DHX32: variants seen among roughly 807,000 people sequenced by gnomAD.
The protein encoded by DHX32 is putative pre-mRNA-splicing factor ATP-dependent RNA helicase DHX32.
A neutral mutation model predicts 70.0 loss-of-function variants in DHX32; 51 were observed. That is an observed-to-expected ratio of 0.73 (90% CI 0.58 to 0.92). The LOEUF (loss-of-function observed/expected upper bound fraction) is 0.92. Ranked by LOEUF, DHX32 falls within the 40% of genes least tolerant of loss-of-function variation. DHX32 has a pLI of 0.00. For synonymous variants in DHX32, 310 were observed against 315.3 expected, an observed-to-expected ratio of 0.98 and a Z score of 0.18; for missense variants, 762 against 891.8, an observed-to-expected ratio of 0.85 and a Z score of 1.85.
At position 125,875,046 on chromosome 10, in the gene DHX32, C is replaced by A. The variant is rs11244683; in HGVS notation, c.282+5497G>T. 2.6e-5 allele frequency among the ~76,000 whole-genome samples: 4 copies of A among 152,030 alleles called. No individual in the cohort carries two copies. In the East Asian group the frequency reaches 5.8e-4, roughly 22 times the overall value. ...CCAACCTGGGCAACATGACAAAACCCCGTCTCTATAAAAAATACAAAAATT... is the reference window on the plus strand; with the variant it reads ...CCAACCTGGGCAACATGACAAAACCACGTCTCTATAAAAAATACAAAAATT... On this transcript the variant is annotated intron_variant, in intron 1 of 10. Transcript: ENST00000284690.
At chr10:125,886,010 G>C (rs1434036145), upstream of DHX32, among the ~76,000 whole-genome samples, 1 of 152,192 alleles carries the variant, frequency 6.6e-6, no homozygotes, top group Non-Finnish European at 1.5e-5. Flanking sequence ...ATCCTTAAGA[G>C]GACCAACAAT....
rs190096646 is a variant in DHX32, at chr10:125,892,906, T to C, written c.-248+3312A>G. ...CCAAAAGGGCAAAGCTAGAAATTAATGCAATGACCCCTAACTAAAGGTTTG... is the reference window on the plus strand; with the variant it reads ...CCAAAAGGGCAAAGCTAGAAATTAACGCAATGACCCCTAACTAAAGGTTTG... On this transcript the variant is annotated intron_variant, in intron 1 of 2. Coordinates refer to the DHX32 transcript ENST00000415732. 2.7e-3 allele frequency among the ~76,000 whole-genome samples: 404 copies of C among 152,320 alleles called. 2 individuals are homozygous for C. Among genetic ancestry groups the C allele is most frequent in the Non-Finnish European group, 4.6e-3 (312 of 68,024 alleles).
chr10:125,849,280 TA>T (rs1370006206), intron 6 of DHX32, among the ~76,000 whole-genome samples: 6 of 152,216 alleles, frequency 3.9e-5, no homozygotes, highest in African/African-American at 1.4e-4. Flanking sequence ...CATATCAACT[TA>T]AATGATAAGC....
intron 6 of DHX32, among the ~76,000 whole-genome samples, chr10:125,843,466 G>A (rs1172596577): frequency 6.6e-6 from 1 of 152,120 alleles, no homozygotes; most frequent in South Asian, 2.1e-4. Context: ...CAAAAAATTA[G>A]CCGGGCGTGG....
Position 125,853,991 on chromosome 10 carries a change from A to G in DHX32, c.1062T>C (p.Phe354=). The G allele has an allele frequency of 6.2e-7, 1 of 1,614,020 alleles. No individual in the cohort carries two copies. The stretch of plus-strand genomic sequence containing the variant: ...TTCTTTCCACACCCACATCGATAAC[A>G]AATCTGACTGAGTTGCTCCAGATCA... ...EFLIWSNSVR[F]VIDVGVERRK... is the part of the protein sequence containing the mutation. The change falls in exon 4 of 11, where the codon TTT becomes TTC. Residue 354 remains phenylalanine, a synonymous_variant. Coordinates refer to ENST00000284690, the MANE Select transcript of DHX32 (RefSeq NM_018180.3).
At chr10:125,852,059 T>G (rs545927382) in intron 6 of DHX32, among the ~76,000 whole-genome samples, 1 of 152,186 alleles carries the variant, frequency 6.6e-6, no homozygotes, top group Non-Finnish European at 1.5e-5. Context: ...TGCTGCAGTG[T>G]CCAACAGCAG....
At chr10:125,872,501 TA>T (rs1466992612) in intron 1 of DHX32, among the ~76,000 whole-genome samples, 1 of 152,120 alleles carries the variant, frequency 6.6e-6, no homozygotes, top group African/African-American at 2.4e-5. Flanking sequence ...CTCTAACACA[TA>T]AAAAAAGCTA....
At chr10:125,881,982 C>G (rs1944320147), upstream of DHX32, among the ~76,000 whole-genome samples, 1 of 152,142 alleles carries the variant, frequency 6.6e-6, no homozygotes, top group Admixed American at 6.6e-5. Flanking sequence ...TTAATTAAAC[C>G]AGAAATCTCT....
chr10:125,869,780 A>T (rs138950990), intron 1 of DHX32, among the ~76,000 whole-genome samples: 3 of 152,004 alleles, frequency 2.0e-5, no homozygotes. Context: ...CTTAAGCTAC[A>T]CGTGTGGTTT....
At chr10:125,841,599 C>G in intron 7 of DHX32, 144 bp downstream of exon 7, 1 of 1,449,462 alleles carries the variant, frequency 6.9e-7, no homozygotes, top group East Asian at 2.5e-5. Context: ...TATTAAAATA[C>G]CTCACTATCA....
At chr10:125,886,814 T>C (rs1285936167) in intron 1 of DHX32, among the ~76,000 whole-genome samples, 5 of 152,264 alleles carry the variant, frequency 3.3e-5, no homozygotes, top group Admixed American at 3.3e-4. Context: ...GACAATGGCA[T>C]GTATCACGCT....
intron 9 of DHX32, among the ~76,000 whole-genome samples, chr10:125,838,612 G>A (rs1015328762): frequency 1.3e-5 from 2 of 152,164 alleles, no homozygotes; most frequent in African/African-American, 4.8e-5. Context: ...GCAGGGCACT[G>A]CTAAAACAGT....
chr10:125,838,243 T>C lies in DHX32; in HGVS notation c.2026A>G (p.Asn676Asp). The C allele has an allele frequency of 6.2e-7, 1 of 1,612,398 alleles. No homozygotes were observed. The change falls in exon 10 of 11, where the codon AAC becomes GAC. Residue 676 changes from asparagine to aspartate, a missense_variant. Coordinates refer to ENST00000284690, the MANE Select transcript of DHX32 (RefSeq NM_018180.3). ...ATTTCTGAGGTAATCCTGATGTAGT[T>C]GTTCTCAGAAATGCTGAATTTATGG... The part of the protein sequence containing the change: ...LFHKFSISEN[N>D]YIRITSEISP...
intron 1 of DHX32, among the ~76,000 whole-genome samples, chr10:125,894,431 C>T (rs1944397619): frequency 6.6e-6 from 1 of 152,222 alleles, no homozygotes; most frequent in Non-Finnish European, 1.5e-5. Context: ...GACTTCCACT[C>T]CTAACCAGTC....
At chr10:125,842,455 C>CA (rs1039256878) in intron 6 of DHX32, 2 of 152,326 alleles carry the variant, frequency 1.3e-5, no homozygotes, top group African/African-American at 4.8e-5. Flanking sequence ...GGCCTGTTCC[C>CA]ACCACCCTAG....
intron 3 of DHX32, among the ~76,000 whole-genome samples, chr10:125,856,119 A>C (rs139946666): frequency 6.6e-6 from 1 of 152,352 alleles, no homozygotes; most frequent in African/African-American, 2.4e-5. Context: ...CTGGTACTTC[A>C]GACATTTTGT....
chr10:125,870,107 C>T (rs1944247301), intron 1 of DHX32, among the ~76,000 whole-genome samples: 1 of 151,978 alleles, frequency 6.6e-6, no homozygotes, highest in Non-Finnish European at 1.5e-5. Flanking sequence ...AGCTAAAGAG[C>T]AGCATAAAGT....
chr10:125,880,371 T>C (rs975769518), intron 1 of DHX32, among the ~76,000 whole-genome samples, 172 bp downstream of exon 1: 10 of 152,096 alleles, frequency 6.6e-5, no homozygotes, highest in African/African-American at 2.4e-4. Context: ...ACTTTTCAGC[T>C]AGTATTAGTA....
chr10:125,889,674 G>A (rs1944358724), intron 1 of DHX32, among the ~76,000 whole-genome samples: 1 of 152,198 alleles, frequency 6.6e-6, no homozygotes, highest in African/African-American at 2.4e-5. Flanking sequence ...CACTGGCCCT[G>A]ATCTGCAGGC....
Sources: allele counts gnomAD v4.1 joint callset (sites outside exome capture counted in the v4.1 genomes callset), GRCh38; gene constraint gnomAD v4.1.1; transcripts MANE v1.5; gene names NCBI Gene and HGNC (gene_info 2026-07-23, HGNC 2026-07-21).